The following PLCL2 variants were observed in gnomAD, a reference collection of about 807,000 sequenced individuals.
The protein encoded by PLCL2 is inactive phospholipase C-like protein 2.
PLCL2 carries 4 observed loss-of-function variants against 79.6 expected under a neutral mutation model. That is an observed-to-expected ratio of 0.05 (90% CI 0.02 to 0.11). The LOEUF is 0.11. PLCL2 is among the 10% of genes least tolerant of loss of function. The pLI, the probability that PLCL2 is intolerant of heterozygous loss-of-function variation, is 1.00. For synonymous variants in PLCL2, 484 were observed against 457.7 expected (o/e 1.06, Z -0.73); for missense variants, 895 against 1,291.0 (o/e 0.69, Z 4.70).
chr3:16,970,306 G>A (rs2063848062), intron 1 of PLCL2, among the ~76,000 whole-genome samples: 1 of 151,336 alleles, frequency 6.6e-6, no homozygotes, highest in South Asian at 2.1e-4. Context: ...GTGAGAACAT[G>A]CGGTGTTTGG....
rs116726576 is a variant in PLCL2 at position 17,088,666 on chromosome 3, C to T, written c.3205-1067C>T. On this transcript the variant is annotated intron_variant, in intron 5 of 5. Coordinates refer to ENST00000615277, the MANE Select transcript of PLCL2 (RefSeq NM_001144382.2). ...TTTCAACTGGGGGTAGCTCACCCTC[C>T]CACTCAAGAGACAGTTAGCAATGTC... 7.4e-3 allele frequency among the ~76,000 whole-genome samples: 1,128 copies of T among 152,226 alleles called. 16 individuals are homozygous for T. The highest frequency in any genetic ancestry group is 0.026 in the African/African-American group (1,079 of 41,520).
At chr3:17,031,540 T>C (rs4383507) in intron 3 of PLCL2, among the ~76,000 whole-genome samples, 32,076 of 152,088 alleles carry the variant, frequency 0.21, 3,797 homozygotes, top group East Asian at 0.54. Context: ...AGCTGAAAAG[T>C]GGCTGGGAGA....
intron 1 of PLCL2, among the ~76,000 whole-genome samples, chr3:16,971,945 T>C (rs1023927845): frequency 6.6e-6 from 1 of 152,128 alleles, no homozygotes; most frequent in African/African-American, 2.4e-5. Flanking sequence ...ATTATCTCAA[T>C]AGATGCAGAA....
intron 1 of PLCL2, among the ~76,000 whole-genome samples, chr3:16,968,982 T>G (rs2063832447): frequency 6.6e-6 from 1 of 152,152 alleles, no homozygotes; most frequent in East Asian, 1.9e-4. Flanking sequence ...ATTGAAAGCC[T>G]TTTCTACATC....
chr3:17,082,622 C>T (rs1296508435), intron 5 of PLCL2, among the ~76,000 whole-genome samples: 1 of 152,092 alleles, frequency 6.6e-6, no homozygotes, highest in African/African-American at 2.4e-5. Flanking sequence ...TTTAAGATAC[C>T]ATGATTACTT....
Position 17,010,516 on chromosome 3 carries a change from AT to A in PLCL2, c.1171del (p.Ser391ProfsTer12). On this transcript the variant is annotated frameshift_variant, in exon 2 of 6. Transcript: ENST00000615277. LOFTEE classifies it high-confidence loss of function. This position sits in a 1 kb window ranked among gnomAD's most constrained non-coding sequence, Gnocchi z 5.8. ...SLEIIHKYEPSKEGQEKGWLS... is the reference protein window; with the variant it reads ...SLEIIHKYEPXKEGQEKGWLS... ...TTGAAATTATTCACAAATATGAACC[AT>A]CCAAAGAGGGTCAGGAAAAGGGCTG... is the stretch of plus-strand genomic sequence containing the variant. 1 of 1,614,022 alleles carries A rather than the reference AT, an allele frequency of 6.2e-7. No individual in the cohort carries two copies.
chr3:16,992,037 G>A (rs922150836), intron 1 of PLCL2, among the ~76,000 whole-genome samples: 1 of 152,206 alleles, frequency 6.6e-6, no homozygotes, highest in Non-Finnish European at 1.5e-5. Flanking sequence ...TGAACTTGAA[G>A]AGTTGAATTT....
chr3:16,910,195 G>T (rs75929553), intron 1 of PLCL2, among the ~76,000 whole-genome samples: 1 of 151,978 alleles, frequency 6.6e-6, no homozygotes, highest in African/African-American at 2.4e-5. Flanking sequence ...CAATTTCTTT[G>T]CCCCCTTTGC....
intron 5 of PLCL2, among the ~76,000 whole-genome samples, chr3:17,078,119 T>C (rs2065125694): frequency 6.6e-6 from 1 of 152,226 alleles, no homozygotes. Context: ...AAACCTCCTC[T>C]TGTATTAAGT....
At chr3:16,922,910 T>G (rs1164470193) in intron 1 of PLCL2, among the ~76,000 whole-genome samples, 1 of 152,038 alleles carries the variant, frequency 6.6e-6, no homozygotes, top group Non-Finnish European at 1.5e-5. Flanking sequence ...ATAGTGCATA[T>G]GAAACCTTGA....
At chr3:17,085,432 A>C (rs909076068) in intron 5 of PLCL2, among the ~76,000 whole-genome samples, 3 of 135,092 alleles carry the variant, frequency 2.2e-5, no homozygotes, top group Non-Finnish European at 4.7e-5. Context: ...CAGCCAATTT[A>C]TTTCTTTTTT....
chr3:16,887,726 T>A lies in PLCL2; in HGVS notation c.327+2360T>A, dbSNP rs749620368. On this transcript the variant is annotated intron_variant, in intron 1 of 5. Transcript: ENST00000615277. The surrounding 1 kb of genome is among the most constrained non-coding windows in gnomAD (Gnocchi z 4.1). ...GAAAACAAAGTCTTTAACATCAAAT[T>A]TCATAAAGCAACAAATACTGCACAG... Among the ~76,000 whole-genome samples the A allele has an allele frequency of 4.6e-5, 7 of 152,098 alleles. No homozygotes were observed. The highest frequency in any genetic ancestry group is 7.2e-5 in the African/African-American group (3 of 41,402).
chr3:17,087,035 C>G (rs2065227746), intron 5 of PLCL2, among the ~76,000 whole-genome samples: 1 of 152,188 alleles, frequency 6.6e-6, no homozygotes, highest in Non-Finnish European at 1.5e-5. Context: ...CAGGAACTTT[C>G]ATTTATGCTG....
At chr3:16,893,096 G>T (rs1696389469) in intron 1 of PLCL2, among the ~76,000 whole-genome samples, 1 of 152,186 alleles carries the variant, frequency 6.6e-6, no homozygotes, top group Admixed American at 6.5e-5. Context: ...TGAAACCAAT[G>T]TGTACCTAAC....
chr3:16,917,518 G>A (rs1297654422), intron 1 of PLCL2, among the ~76,000 whole-genome samples: 2 of 152,176 alleles, frequency 1.3e-5, no homozygotes, highest in Admixed American at 1.3e-4. Context: ...ACTAGAAGCT[G>A]GAGGGTTCAC....
In PLCL2 at chr3:17,090,267, A is replaced by G; in HGVS notation, c.*355A>G. ...TGGAAATGGATTGGATTGTCAAATTATTATTTATTGGAGAAAAAAACCTGA... is the reference window on the plus strand; with the variant it reads ...TGGAAATGGATTGGATTGTCAAATTGTTATTTATTGGAGAAAAAAACCTGA... On this transcript the variant is annotated 3_prime_UTR_variant, in exon 6 of 6. Coordinates refer to ENST00000615277, the MANE Select transcript of PLCL2 (RefSeq NM_001144382.2). The G allele has an allele frequency of 1.0e-6, 1 of 953,066 alleles. No homozygotes were observed. The highest frequency in any genetic ancestry group is 1.2e-6 in the Non-Finnish European group (1 of 813,246). 59.0% of individuals were successfully genotyped at this position (953,066 alleles called of 1,614,324 possible). A position where few individuals can be genotyped will look rare whatever the true frequency, so the allele number is the denominator to read the frequency against.
chr3:17,065,514 A>T (rs2065001031), intron 4 of PLCL2, among the ~76,000 whole-genome samples: 1 of 152,198 alleles, frequency 6.6e-6, no homozygotes, highest in Admixed American at 6.5e-5. Flanking sequence ...GTTGGAATTA[A>T]GCCCAGTATA....
chr3:17,027,934 G>A (rs2064536605), intron 3 of PLCL2, among the ~76,000 whole-genome samples: 2 of 152,218 alleles, frequency 1.3e-5, no homozygotes, highest in African/African-American at 4.8e-5. Flanking sequence ...TACGTCAGTG[G>A]GAAGTGGTGA....
chr3:16,996,700 C>CA (rs34921736), intron 1 of PLCL2, among the ~76,000 whole-genome samples: 127 of 139,270 alleles, frequency 9.1e-4, no homozygotes, highest in African/African-American at 1.7e-3. Context: ...ATGCTGTTAT[C>CA]AAAAAAAAAA....
Sources: allele counts gnomAD v4.1 joint callset (sites outside exome capture counted in the v4.1 genomes callset), GRCh38; gene constraint gnomAD v4.1.1; non-coding constraint Gnocchi (gnomAD v3.1); transcripts MANE v1.5; gene names NCBI Gene and HGNC (gene_info 2026-07-23, HGNC 2026-07-21).